The following RHOJ variants were observed in gnomAD, a reference collection of about 807,000 sequenced individuals.
RHOJ encodes the protein ras homolog family member J, also known as rho-related GTP-binding protein RhoJ.
In RHOJ, 11 loss-of-function variants were observed where a neutral mutation model predicts 23.4. That is an observed-to-expected ratio of 0.47 (90% CI 0.30 to 0.78). The LOEUF (loss-of-function observed/expected upper bound fraction) is 0.78. Ranked by LOEUF, RHOJ falls within the 30% of genes least tolerant of loss-of-function variation. RHOJ has a pLI of 0.08. For missense variants in RHOJ, 254 were observed against 273.4 expected, an observed-to-expected ratio of 0.93 and a Z score of 0.50; for synonymous variants, 102 against 102.7, an observed-to-expected ratio of 0.99 and a Z score of 0.04.
At chr14:63,254,524 T>A (rs1895128648) in intron 1 of RHOJ, among the ~76,000 whole-genome samples, 1 of 152,164 alleles carries the variant, frequency 6.6e-6, no homozygotes, top group African/African-American at 2.4e-5. Context: ...GTGCTGGGCC[T>A]TAGAGGCTTC....
At chr14:63,209,443 C>G (rs1894184897) in intron 1 of RHOJ, among the ~76,000 whole-genome samples, 1 of 152,160 alleles carries the variant, frequency 6.6e-6, no homozygotes, top group Non-Finnish European at 1.5e-5. Context: ...CCAACTCCTT[C>G]CCTTGAAGAG....
intron 1 of RHOJ, among the ~76,000 whole-genome samples, chr14:63,224,610 A>C (rs969925847): frequency 6.6e-6 from 1 of 152,216 alleles, no homozygotes; most frequent in Non-Finnish European, 1.5e-5. Flanking sequence ...TTGTAATTGT[A>C]CTGTTCACTG....
At chr14:63,256,307 C>A (rs1256329728) in intron 1 of RHOJ, among the ~76,000 whole-genome samples, 5 of 152,092 alleles carry the variant, frequency 3.3e-5, no homozygotes, top group Admixed American at 2.0e-4. Flanking sequence ...TAAAAATATT[C>A]TTTTATTTAT....
At chr14:63,284,373 G>T (rs1030354492) in intron 4 of RHOJ, 1 of 983,828 alleles carries the variant, frequency 1.0e-6, no homozygotes, top group South Asian at 4.7e-5. Flanking sequence ...GACGTCCATG[G>T]AGTCCTTAGG....
At chr14:63,215,446 A>G (rs368185613) in intron 1 of RHOJ, among the ~76,000 whole-genome samples, 3 of 152,368 alleles carry the variant, frequency 2.0e-5, no homozygotes, top group South Asian at 2.1e-4. Context: ...AATGCACCAC[A>G]GTGAACAAAA....
At chr14:63,246,416 C>T (rs1298711934) in intron 1 of RHOJ, among the ~76,000 whole-genome samples, 1 of 152,158 alleles carries the variant, frequency 6.6e-6, no homozygotes, top group African/African-American at 2.4e-5. Flanking sequence ...AAAACCACAT[C>T]GTAGGTAAAG....
chr14:63,231,907 A>G (rs543191982), intron 1 of RHOJ, among the ~76,000 whole-genome samples: 1 of 152,230 alleles, frequency 6.6e-6, no homozygotes, highest in Non-Finnish European at 1.5e-5. Context: ...AGCAAATAAT[A>G]CAAAATGTCC....
intron 1 of RHOJ, among the ~76,000 whole-genome samples, chr14:63,215,623 G>A (rs758187749): frequency 6.9e-6 from 1 of 145,234 alleles, no homozygotes; most frequent in East Asian, 1.9e-4. Flanking sequence ...GAAGCTCAGA[G>A]AAGTGACATG....
intron 1 of RHOJ, among the ~76,000 whole-genome samples, chr14:63,254,326 C>G (rs190739868): frequency 3.9e-5 from 6 of 152,208 alleles, no homozygotes; most frequent in Admixed American, 3.9e-4. Context: ...TTCCTGGGTG[C>G]TGGGAAAGCT....
At chr14:63,256,831 TG>T (rs763292614) in intron 1 of RHOJ, among the ~76,000 whole-genome samples, 12 of 150,968 alleles carry the variant, frequency 7.9e-5, no homozygotes, top group Non-Finnish European at 1.3e-4. Flanking sequence ...CCCAAAACTT[TG>T]GGAGGTCGAG....
intron 1 of RHOJ, among the ~76,000 whole-genome samples, chr14:63,245,993 A>G (rs1894969801): frequency 6.6e-6 from 1 of 152,100 alleles, no homozygotes. Context: ...AACCCAAAGG[A>G]GACTCCATAG....
intron 1 of RHOJ, among the ~76,000 whole-genome samples, chr14:63,264,471 A>G (rs1316891041): frequency 1.3e-5 from 2 of 152,236 alleles, no homozygotes; most frequent in African/African-American, 2.4e-5. Flanking sequence ...ATAGTGCTAC[A>G]ATGGACATAC....
intron 1 of RHOJ, among the ~76,000 whole-genome samples, chr14:63,213,631 A>AT (rs1894287966): frequency 6.6e-6 from 1 of 152,046 alleles, no homozygotes; most frequent in Non-Finnish European, 1.5e-5. Flanking sequence ...ATAATGATAT[A>AT]TTTTCTTTTG....
chr14:63,246,042 G>C (rs531493772), intron 1 of RHOJ, among the ~76,000 whole-genome samples: 3 of 152,244 alleles, frequency 2.0e-5, no homozygotes, highest in Admixed American at 2.0e-4. Flanking sequence ...CGGCTTAGGA[G>C]TCTCCTGATT....
chr14:63,273,242 A>C (rs375300905), intron 2 of RHOJ, among the ~76,000 whole-genome samples: 1 of 152,218 alleles, frequency 6.6e-6, no homozygotes, highest in Non-Finnish European at 1.5e-5. Flanking sequence ...AATTTTTCTC[A>C]GGGTGAGTGC....
In RHOJ at chr14:63,252,128, A is replaced by G. The variant is rs180828618; in HGVS notation, c.179-16982A>G. Among the ~76,000 whole-genome samples, 10 of 152,232 alleles carry G rather than the reference A, an allele frequency of 6.6e-5. No homozygotes were observed. In the East Asian group the frequency reaches 1.9e-3, roughly 29 times the overall value. ...TAGAGTCCAAAATGTGTTTCACTAG[A>G]CTCAAATCAAGGAGCCAGCAGACCT... is the stretch of plus-strand genomic sequence containing the variant. On this transcript the variant is annotated intron_variant, in intron 1 of 4. Coordinates refer to ENST00000316754, the MANE Select transcript of RHOJ (RefSeq NM_020663.5).
chr14:63,268,937 G>A (rs1594772941), intron 1 of RHOJ, among the ~76,000 whole-genome samples, 173 bp from the exon 2 acceptor site: 2 of 152,142 alleles, frequency 1.3e-5, no homozygotes, highest in Admixed American at 1.3e-4. Context: ...GCAGCCCAAG[G>A]TTACCTTTCA....
chr14:63,223,732 C>T lies in RHOJ; in HGVS notation c.178+18685C>T, dbSNP rs535970809. 4.6e-5 allele frequency among the ~76,000 whole-genome samples: 7 copies of T among 152,230 alleles called. No individual in the cohort carries two copies. In the East Asian group the frequency reaches 1.4e-3, roughly 29 times the overall value. Reference sequence around the variant, plus strand: ...GAGGGAGATATATTAATATATTCCTCGAGTATTGTCCTCCAATACCCCTAC... The same window carrying T: ...GAGGGAGATATATTAATATATTCCTTGAGTATTGTCCTCCAATACCCCTAC... On this transcript the variant is annotated intron_variant, in intron 1 of 4. Transcript: ENST00000316754.
chr14:63,219,901 T>C (rs11625202), intron 1 of RHOJ, among the ~76,000 whole-genome samples: 124,804 of 151,826 alleles, frequency 0.82, 52,590 homozygotes, highest in Middle Eastern at 0.96. Context: ...TGCGCATCTC[T>C]CTAAGAGAAA....
Sources: gnomAD v4.1 joint callset for allele counts (sites outside exome capture counted in the v4.1 genomes callset) on GRCh38, gnomAD v4.1.1 for gene constraint, MANE v1.5 for transcripts, NCBI Gene and HGNC (gene_info 2026-07-23, HGNC 2026-07-21) for gene names.